The following KIR2DL1 variants were observed in gnomAD, a reference collection of about 807,000 sequenced individuals.
KIR2DL1 encodes killer cell immunoglobulin like receptor, two Ig domains and long cytoplasmic tail 1.
A neutral mutation model predicts 33.9 loss-of-function variants in KIR2DL1; 38 were observed. That is an observed-to-expected ratio of 1.12 (90% confidence interval 0.86 to 1.47). KIR2DL1 has a LOEUF of 1.47. KIR2DL1 is among the 40% of genes most tolerant of loss of function. The pLI is 0.00. For synonymous variants in KIR2DL1, 179 were observed against 165.9 expected, an observed-to-expected ratio of 1.08 and a Z score of -0.61; for missense variants, 531 against 433.9, an observed-to-expected ratio of 1.22 and a Z score of -1.99.
At chr19:54,783,578 C>T (rs1286079114) in intron 7 of KIR2DL1, 40 bp downstream of exon 7, 52 of 1,613,842 alleles carry the variant, frequency 3.2e-5, no homozygotes, top group Admixed American at 2.3e-4. Context: ...TACTGTTATT[C>T]CCAAAGAGTC....
intron 2 of KIR2DL1, 116 bp downstream of exon 2, chr19:54,771,000 G>T: frequency 2.1e-6 from 3 of 1,425,260 alleles, no homozygotes; most frequent in Non-Finnish European, 2.9e-6. Flanking sequence ...GGACCCTGGG[G>T]TGCTGGGCCC....
intron 6 of KIR2DL1, 114 bp downstream of exon 6, chr19:54,783,137 C>A: frequency 1.6e-6 from 2 of 1,249,256 alleles, no homozygotes; most frequent in Non-Finnish European, 2.3e-6. Flanking sequence ...AAGGCAGCAG[C>A]CACAGAGGCA....
Position 54,773,472 on chromosome 19 carries a change from G to A in KIR2DL1, c.210G>A (p.Leu70=). ...GAGAGGGGATGTTTAACGACACTTT[G>A]CGCCTCATTGGAGAACACCATGATG... ...LHREGMFNDT[L]RLIGEHHDGV... Residue 70 remains leucine, a synonymous_variant, in exon 3 of 8, where the codon TTG becomes TTA. Transcript: ENST00000336077. 6.3e-7 allele frequency: 1 copy of A among 1,587,280 alleles called. No homozygotes were observed. The highest frequency in any genetic ancestry group is 8.6e-7 in the Non-Finnish European group (1 of 1,158,888).
intron 2 of KIR2DL1, among the ~76,000 whole-genome samples, chr19:54,772,306 G>C (rs975190475): frequency 1.4e-5 from 2 of 147,518 alleles, no homozygotes; most frequent in African/African-American, 5.0e-5. Context: ...AAGTCCAGGA[G>C]CCATGAATGC....
chr19:54,771,734 G>T (rs879008198), intron 2 of KIR2DL1, among the ~76,000 whole-genome samples: 1 of 148,204 alleles, frequency 6.7e-6, no homozygotes, highest in Non-Finnish European at 1.5e-5. Flanking sequence ...GGAAGATGGG[G>T]TGCCTGTCCC....
chr19:54,771,808 A>T (rs2075758859), intron 2 of KIR2DL1, among the ~76,000 whole-genome samples: 1 of 148,028 alleles, frequency 6.8e-6, no homozygotes, highest in Admixed American at 6.8e-5. Context: ...CAGCACACGC[A>T]GGGACCTATA....
At chr19:54,776,020 T>C (rs1324485759) in intron 4 of KIR2DL1, among the ~76,000 whole-genome samples, 1 of 146,066 alleles carries the variant, frequency 6.8e-6, no homozygotes, top group Non-Finnish European at 1.5e-5. Context: ...GCCACCTGAG[T>C]AGCTAGTGCT....
chr19:54,784,186 G>C lies in KIR2DL1; in HGVS notation c.*373G>C, dbSNP rs1333080761. The C allele has an allele frequency of 1.5e-5, 6 of 409,414 alleles. No homozygotes were observed. Among genetic ancestry groups the C allele is most frequent in the African/African-American group, 1.0e-4 (5 of 49,536 alleles). The allele number at this position is 409,414 out of a possible 1,614,324, so 25.4% of individuals were successfully genotyped here. ...CTCTTAACGCAGCACTTAGACACGT[G>C]TTGTTCCACCTTCCCTCATGCTGTT... is the stretch of plus-strand genomic sequence containing the variant. On this transcript the variant is annotated 3_prime_UTR_variant, in exon 8 of 8. Coordinates refer to ENST00000336077, the MANE Select transcript of KIR2DL1 (RefSeq NM_014218.3).
intron 4 of KIR2DL1, 76 bp downstream of exon 4, chr19:54,775,534 G>C (rs1381385767): frequency 1.4e-6 from 2 of 1,453,248 alleles, no homozygotes; most frequent in Non-Finnish European, 9.5e-7. Flanking sequence ...TGAGGATGGA[G>C]AGAAGCATGG....
intron 5 of KIR2DL1, among the ~76,000 whole-genome samples, chr19:54,782,266 T>G (rs912497952): frequency 4.6e-5 from 7 of 151,948 alleles, no homozygotes; most frequent in Non-Finnish European, 7.4e-5. Context: ...ACGTTCCTCC[T>G]GATCTCAGGA....
chr19:54,777,248 G>C (rs2736417), intron 4 of KIR2DL1, among the ~76,000 whole-genome samples: 14 of 149,164 alleles, frequency 9.4e-5, no homozygotes, highest in African/African-American at 3.4e-4. Context: ...ACGCCACCAC[G>C]CCCTACTAAT....
At chr19:54,780,591 G>A (rs539868351) in intron 5 of KIR2DL1, among the ~76,000 whole-genome samples, 1 of 144,684 alleles carries the variant, frequency 6.9e-6, no homozygotes, top group African/African-American at 2.6e-5. Context: ...AATAAGGGAG[G>A]CCCAGGTGCA....
Position 54,770,173 on chromosome 19 carries a change from G to A in KIR2DL1, c.34+289G>A, listed in dbSNP as rs1213073821. Among the ~76,000 whole-genome samples the A allele has an allele frequency of 2.1e-5, 3 of 144,264 alleles. 1 individual carries two copies. The highest frequency in any genetic ancestry group is 4.6e-5 in the Non-Finnish European group (3 of 64,706). 94.6% of individuals were successfully genotyped at this position (144,264 alleles called of 152,430 possible). ...GAACCTGGAGGGGAGATATGGGCCT[G>A]GAGGTGGAGATATGGGCCTGGAGTG... On this transcript the variant is annotated intron_variant, in intron 1 of 7. Coordinates refer to ENST00000336077, the MANE Select transcript of KIR2DL1 (RefSeq NM_014218.3).
intron 4 of KIR2DL1, among the ~76,000 whole-genome samples, chr19:54,776,101 G>A (rs1229177005): frequency 6.2e-5 from 9 of 144,772 alleles, no homozygotes; most frequent in South Asian, 2.2e-4. Flanking sequence ...CATGTTGGTC[G>A]AGCTGGTCTC....
intron 2 of KIR2DL1, among the ~76,000 whole-genome samples, chr19:54,772,008 G>C (rs2075786973): frequency 6.8e-6 from 1 of 147,684 alleles, no homozygotes; most frequent in African/African-American, 2.5e-5. Flanking sequence ...TTGGGGTAAA[G>C]GGGGATTGAA....
intron 5 of KIR2DL1, among the ~76,000 whole-genome samples, chr19:54,779,206 T>C (rs1387626069): frequency 1.4e-4 from 21 of 147,924 alleles, no homozygotes; most frequent in South Asian, 8.5e-4. Context: ...TTTCCTATTG[T>C]TGCCATAACA....
At chr19:54,779,375 G>A (rs611041) in intron 5 of KIR2DL1, among the ~76,000 whole-genome samples, 1,840 of 138,586 alleles carry the variant, frequency 0.013, 111 homozygotes, top group South Asian at 0.038. Context: ...CTTCTCACTT[G>A]TCCCAGCTTC....
chr19:54,771,143 G>T (rs1249359788), intron 2 of KIR2DL1, among the ~76,000 whole-genome samples: 1 of 148,468 alleles, frequency 6.7e-6, no homozygotes, highest in South Asian at 2.1e-4. Flanking sequence ...GATCCTCTGA[G>T]GACAAAGGTG....
intron 4 of KIR2DL1, among the ~76,000 whole-genome samples, chr19:54,776,973 T>A (rs998162010): frequency 6.7e-6 from 1 of 149,994 alleles, no homozygotes; most frequent in Non-Finnish European, 1.5e-5. Flanking sequence ...CTTCCATACT[T>A]TTCTCCGTAA....
Sources: gnomAD v4.1 joint callset for allele counts (sites outside exome capture counted in the v4.1 genomes callset) on GRCh38, gnomAD v4.1.1 for gene constraint, MANE v1.5 for transcripts, NCBI Gene and HGNC (gene_info 2026-07-23, HGNC 2026-07-21) for gene names.